Variants in PGD observed in about 807,000 individuals in gnomAD.
PGD encodes phosphogluconate dehydrogenase, also known as 6-phosphogluconate dehydrogenase, decarboxylating.
A neutral mutation model predicts 60.4 loss-of-function variants in PGD; 21 were observed. The ratio of observed to expected loss-of-function variants is 0.35; its 90% CI spans 0.25 to 0.50. The LOEUF is 0.50. Ranked by LOEUF, PGD falls within the 20% of genes least tolerant of loss-of-function variation. The pLI is 0.98. For synonymous variants in PGD, 230 were observed against 235.9 expected, an observed-to-expected ratio of 0.97 and a Z score of 0.23; for missense variants, 477 against 613.1, an observed-to-expected ratio of 0.78 and a Z score of 2.34.
chr1:10,419,350 T>G lies in PGD; in HGVS notation c.1210-67T>G. 3.2e-6 allele frequency: 5 copies of G among 1,560,848 alleles called. No individual in the cohort carries two copies. The South Asian group carries it at 6.0e-5, about 19-fold the overall frequency. The stretch of plus-strand genomic sequence containing the variant: ...AGTTTTTCATTTACCCACATTGATA[T>G]GAATGAAAATCTATCCGCGTCACCA... On this transcript the variant is annotated intron_variant, in intron 11 of 12. Coordinates refer to ENST00000270776, the MANE Select transcript of PGD (RefSeq NM_002631.4).
At position 10,416,161 on chromosome 1, in the gene PGD, A is replaced by G. The variant is rs555254941; in HGVS notation, c.845-826A>G. On this transcript the variant is annotated intron_variant, in intron 8 of 12. Transcript: ENST00000270776. ...CAGGCTGGAGAGCAGTGGTGTGATC[A>G]TGGCTCACTGTAGCCTTGAACTCCT... 2.0e-5 allele frequency among the ~76,000 whole-genome samples: 3 copies of G among 152,286 alleles called. No homozygotes were observed. The East Asian group carries it at 5.8e-4, about 29-fold the overall frequency.
At chr1:10,399,784 G>A in intron 2 of PGD, 80 bp downstream of exon 2, 1 of 1,204,128 alleles carries the variant, frequency 8.3e-7, no homozygotes, top group Non-Finnish European at 1.2e-6. Flanking sequence ...GGGAGCTTAC[G>A]GGTCTCCTGG....
intron 5 of PGD, among the ~76,000 whole-genome samples, chr1:10,405,641 A>C (rs569165581): frequency 1.3e-5 from 2 of 150,804 alleles, no homozygotes; most frequent in South Asian, 4.2e-4. Flanking sequence ...GGAGTTCAAG[A>C]CCAGCCTGGC....
intron 3 of PGD, among the ~76,000 whole-genome samples, chr1:10,402,503 A>G (rs891027089): frequency 8.6e-5 from 13 of 151,482 alleles, no homozygotes; most frequent in African/African-American, 2.7e-4. Context: ...CCTGGGCGAC[A>G]TGGTGAGACT....
intron 3 of PGD, among the ~76,000 whole-genome samples, chr1:10,401,446 G>A (rs11121562): frequency 5.0e-4 from 76 of 152,342 alleles, no homozygotes; most frequent in African/African-American, 1.8e-3. Flanking sequence ...TAGCTCAGGG[G>A]AGGCTGAGCA....
chr1:10,403,527 G>GT (rs1231114015), intron 4 of PGD, among the ~76,000 whole-genome samples: 1 of 146,372 alleles, frequency 6.8e-6, no homozygotes, highest in African/African-American at 2.5e-5. Context: ...GGAGGCAGAA[G>GT]TTGCAGTGAG....
At position 10,419,488 on chromosome 1, in the gene PGD, C is replaced by G. The variant is rs779410784; in HGVS notation, c.1281C>G (p.Leu427=). 5 of 1,614,220 alleles carry G rather than the reference C, an allele frequency of 3.1e-6. No homozygotes were observed. Among genetic ancestry groups the G allele is most frequent in the Non-Finnish European group, 4.2e-6 (5 of 1,180,048 alleles). The change falls in exon 12 of 13, where the codon CTC becomes CTG. Residue 427 remains leucine (L), a synonymous_variant. Coordinates refer to ENST00000270776, the MANE Select transcript of PGD (RefSeq NM_002631.4). ...GIPMPCFTTA[L]SFYDGYRHEM... ...CCATGCCCTGTTTTACCACTGCCCT[C>G]TCCTTCTATGACGGGTACAGACATG...
chr1:10,419,425 G>C lies in PGD; in HGVS notation c.1218G>C (p.Trp406Cys), dbSNP rs1458463844. The change falls in exon 12 of 13, where the codon TGG (tryptophan) becomes TGC (cysteine). Residue 406 changes from tryptophan (W) to cysteine (C), a missense_variant. Physicochemically the swap from Trp to Cys is radical, Grantham distance 215 (BLOSUM62 -2). Around this residue, in one of 3 missense-constraint regions of PGD, gnomAD observed 431 missense variants for 556.6 expected, o/e 0.77. Coordinates refer to ENST00000270776, the MANE Select transcript of PGD (RefSeq NM_002631.4). ...GTGCGTTTTGTGCTCAGGACTCCTG[G>C]CGGCGGGCAGTCAGCACTGGGGTCC... ...KSAVENCQDSWRRAVSTGVQA... is the reference protein window; with the variant it reads ...KSAVENCQDSCRRAVSTGVQA... 2.9e-5 allele frequency: 47 copies of C among 1,613,372 alleles called. No individual in the cohort carries two copies. The highest frequency in any genetic ancestry group is 3.9e-5 in the Non-Finnish European group (46 of 1,179,884).
intron 8 of PGD, among the ~76,000 whole-genome samples, chr1:10,414,694 A>G (rs1284617883): frequency 1.3e-5 from 2 of 152,018 alleles, no homozygotes; most frequent in Non-Finnish European, 2.9e-5. Flanking sequence ...TTCTAAGAGT[A>G]AAATACATAG....
intron 1 of PGD, 102 bp downstream of exon 1, chr1:10,399,227 G>T: frequency 7.3e-7 from 1 of 1,369,054 alleles, no homozygotes; most frequent in South Asian, 1.2e-5. Flanking sequence ...CCACCCTGGG[G>T]GTCGCCTGAG....
intron 8 of PGD, 130 bp downstream of exon 8, chr1:10,413,381 T>C (rs1639532992): frequency 1.4e-6 from 1 of 739,802 alleles, no homozygotes; most frequent in Admixed American, 2.9e-5. Context: ...TTTTGCTCTT[T>C]CTTGCGTTGA....
intron 6 of PGD, 25 bp downstream of exon 6, chr1:10,408,165 GC>G: frequency 7.2e-7 from 1 of 1,387,488 alleles, no homozygotes. Context: ...ACTCTTTAAA[GC>G]CAATTGGCAA....
At chr1:10,417,140 G>A (rs373341638) in intron 9 of PGD, 23 bp downstream of exon 9, 3 of 1,613,120 alleles carry the variant, frequency 1.9e-6, no homozygotes, top group Non-Finnish European at 2.5e-6. Flanking sequence ...CCCTGGCAGT[G>A]GTCTTTGTTG....
rs1243022931 is a variant in PGD at position 10,419,403 on chromosome 1, C to T, written c.1210-14C>T. Reference sequence around the variant, plus strand: ...GGCAGATCACTAATCTCTGGCCGTGCGTTTTGTGCTCAGGACTCCTGGCGG... The same window carrying T: ...GGCAGATCACTAATCTCTGGCCGTGTGTTTTGTGCTCAGGACTCCTGGCGG... On this transcript the variant is annotated splice_polypyrimidine_tract_variant and intron_variant, in intron 11 of 12. Coordinates refer to ENST00000270776, the MANE Select transcript of PGD (RefSeq NM_002631.4). 3 of 1,609,038 alleles carry T rather than the reference C, an allele frequency of 1.9e-6. No individual in the cohort carries two copies. The highest frequency in any genetic ancestry group is 2.2e-5 in the East Asian group (1 of 44,866).
Position 10,413,154 on chromosome 1 carries a change from C to T in PGD, c.747C>T (p.His249=). 5 of 1,614,108 alleles carry T rather than the reference C, an allele frequency of 3.1e-6. No individual in the cohort carries two copies. The highest frequency in any genetic ancestry group is 1.1e-5 in the South Asian group (1 of 91,088). Residue 249 remains histidine (H), a synonymous_variant, in exon 8 of 13, where the codon CAC becomes CAT. Coordinates refer to ENST00000270776, the MANE Select transcript of PGD (RefSeq NM_002631.4). ...ILKFQDTDGK[H]LLPKIRDSAG... ...AGTTCCAAGACACCGATGGCAAACA[C>T]CTGCTGCCAAAGATCAGGGACAGCG...
At chr1:10,412,977 T>A in intron 7 of PGD, 85 bp from the exon 8 acceptor site, 1 of 1,155,184 alleles carries the variant, frequency 8.7e-7, no homozygotes, top group Non-Finnish European at 1.3e-6. Context: ...ACCGTGAGCA[T>A]TGGTCAGCGT....
rs951067618 is a variant in PGD, at chr1:10,399,334, T to A, written c.8+209T>A. Among the ~76,000 whole-genome samples the A allele has an allele frequency of 7.9e-5, 12 of 151,966 alleles. No individual in the cohort carries two copies. The South Asian group carries it at 1.7e-3, about 21-fold the overall frequency. ...CCCTGCCCTCTCGGCCGCGCAGGCATGGGGCGGGGCGGGTCCCTTCGAGGG... is the reference window on the plus strand; with the variant it reads ...CCCTGCCCTCTCGGCCGCGCAGGCAAGGGGCGGGGCGGGTCCCTTCGAGGG... On this transcript the variant is annotated intron_variant, in intron 1 of 12. Coordinates refer to ENST00000270776, the MANE Select transcript of PGD (RefSeq NM_002631.4).
intron 8 of PGD, among the ~76,000 whole-genome samples, chr1:10,414,115 C>G (rs182607524): frequency 5.3e-5 from 8 of 152,156 alleles, no homozygotes; most frequent in Non-Finnish European, 1.0e-4. Context: ...TAAAAATTTA[C>G]TTTTTTCCCC....
At chr1:10,404,591 C>T (rs1414048934) in intron 5 of PGD, among the ~76,000 whole-genome samples, 6 of 151,906 alleles carry the variant, frequency 3.9e-5, no homozygotes, top group Non-Finnish European at 8.8e-5. Flanking sequence ...CCCCCGTCTC[C>T]TGGGCTCAAG....
Sources: allele counts gnomAD v4.1 joint callset (sites outside exome capture counted in the v4.1 genomes callset), GRCh38; gene constraint gnomAD v4.1.1; regional missense constraint gnomAD v4.1.1; transcripts MANE v1.5; gene names NCBI Gene and HGNC (gene_info 2026-07-23, HGNC 2026-07-21).